CSMD1: variants seen among roughly 807,000 people sequenced by gnomAD.
CSMD1 encodes the protein CUB and sushi domain-containing protein 1.
Under a neutral mutation model 417.5 loss-of-function variants are expected in CSMD1, and 213 were observed. The ratio of observed to expected loss-of-function variants is 0.51; its 90% CI spans 0.46 to 0.57. The LOEUF (loss-of-function observed/expected upper bound fraction) is 0.57, where lower values mean the gene tolerates loss of function less well. Ranked by LOEUF, CSMD1 falls within the 20% of genes least tolerant of loss-of-function variation. CSMD1 has a pLI of 0.00. For synonymous variants in CSMD1, 2,862 were observed against 1,736.8 expected, an observed-to-expected ratio of 1.65 and a Z score of -16.11; for missense variants, 6,923 against 4,529.7, an observed-to-expected ratio of 1.53 and a Z score of -15.17.
chr8:4,220,772 C>A (rs118180204), intron 3 of CSMD1, among the ~76,000 whole-genome samples: 2,093 of 152,314 alleles, frequency 0.014, 26 homozygotes, highest in Middle Eastern at 0.034. Context: ...AATATGGGGC[C>A]ACCCAAGAAA....
chr8:4,638,727 G>A (rs1440614883), intron 1 of CSMD1, among the ~76,000 whole-genome samples: 1 of 152,158 alleles, frequency 6.6e-6, no homozygotes, highest in East Asian at 1.9e-4. Flanking sequence ...ACTTCCCTTT[G>A]GCAGGTGGAA....
intron 3 of CSMD1, among the ~76,000 whole-genome samples, chr8:4,374,976 A>G (rs1167601443): frequency 1.2e-4 from 8 of 66,988 alleles, no homozygotes; most frequent in Admixed American, 1.8e-4. Flanking sequence ...GGGGGGGGCG[A>G]TAGTGGGGGT....
intron 7 of CSMD1, among the ~76,000 whole-genome samples, chr8:3,703,914 C>CA (rs1449783934): frequency 1.3e-5 from 2 of 151,828 alleles, no homozygotes; most frequent in Non-Finnish European, 2.9e-5. Context: ...ACTGAAAATA[C>CA]AAAAAAATTA....
intron 3 of CSMD1, among the ~76,000 whole-genome samples, chr8:4,032,657 A>G (rs1797408212): frequency 6.6e-6 from 1 of 152,168 alleles, no homozygotes; most frequent in Non-Finnish European, 1.5e-5. Flanking sequence ...ATCAATGTAT[A>G]AAAAAATGTT....
chr8:4,216,324 G>T (rs932607312), intron 3 of CSMD1, among the ~76,000 whole-genome samples: 2 of 151,996 alleles, frequency 1.3e-5, no homozygotes, highest in Admixed American at 6.6e-5. Flanking sequence ...CTCAGTAACT[G>T]CAGGGATGCT....
At chr8:4,662,764 T>C (rs1228326116) in intron 1 of CSMD1, among the ~76,000 whole-genome samples, 1 of 152,216 alleles carries the variant, frequency 6.6e-6, no homozygotes, top group African/African-American at 2.4e-5. Context: ...CTATGGATGA[T>C]GCTCACATTC....
intron 46 of CSMD1, among the ~76,000 whole-genome samples, chr8:3,098,666 C>T (rs541103806): frequency 9.3e-4 from 142 of 152,188 alleles, no homozygotes; most frequent in African/African-American, 3.3e-3. Flanking sequence ...GTAAAATACA[C>T]GATGCCCATT....
intron 3 of CSMD1, among the ~76,000 whole-genome samples, chr8:4,292,616 T>C (rs150034127): frequency 5.3e-5 from 8 of 152,252 alleles, no homozygotes; most frequent in African/African-American, 1.9e-4. Context: ...CATGTAAACA[T>C]GTTGATATTT....
intron 51 of CSMD1, among the ~76,000 whole-genome samples, chr8:3,022,698 T>C (rs1354781568): frequency 7.0e-6 from 1 of 142,768 alleles, no homozygotes; most frequent in African/African-American, 2.6e-5. Flanking sequence ...AAAAAAAAGC[T>C]AAATGAACAT....
chr8:3,145,327 A>G (rs1297861047), intron 40 of CSMD1, among the ~76,000 whole-genome samples: 2 of 152,186 alleles, frequency 1.3e-5, no homozygotes, highest in Non-Finnish European at 2.9e-5. Context: ...GAATGTGCTC[A>G]CTTCAGATGC....
intron 26 of CSMD1, among the ~76,000 whole-genome samples, chr8:3,242,186 A>G (rs1279551977): frequency 6.6e-6 from 1 of 152,062 alleles, no homozygotes; most frequent in Non-Finnish European, 1.5e-5. Flanking sequence ...CTAGTCCCAG[A>G]ATGAAACAGT....
intron 2 of CSMD1, among the ~76,000 whole-genome samples, chr8:4,540,236 T>C (rs1050439411): frequency 6.6e-6 from 1 of 152,168 alleles, no homozygotes; most frequent in South Asian, 2.1e-4. Context: ...GCTCAGATAA[T>C]GTGGTAGATT....
intron 52 of CSMD1, among the ~76,000 whole-genome samples, chr8:3,000,410 C>T (rs1807299802): frequency 6.6e-6 from 1 of 151,214 alleles, no homozygotes; most frequent in Admixed American, 6.6e-5. Context: ...ATTTTGCTTA[C>T]CTGTATTCAG....
intron 8 of CSMD1, among the ~76,000 whole-genome samples, chr8:3,610,353 C>T (rs867842201): frequency 2.6e-5 from 4 of 152,210 alleles, no homozygotes; most frequent in East Asian, 3.9e-4. Context: ...GGCAACACAG[C>T]GAGACCTTGT....
chr8:3,794,416 AC>A (rs781359654), intron 5 of CSMD1, among the ~76,000 whole-genome samples: 3 of 152,178 alleles, frequency 2.0e-5, no homozygotes, highest in Non-Finnish European at 4.4e-5. Context: ...AACAACCTGT[AC>A]CTTTGTTAAA....
intron 7 of CSMD1, 36 bp downstream of exon 7, chr8:3,708,378 C>A (rs12674750): frequency 1.3e-6 from 2 of 1,558,882 alleles, no homozygotes; most frequent in Admixed American, 1.7e-5. Flanking sequence ...CTTACAAGGG[C>A]GTATCAATCC....
chr8:3,570,896 T>C (rs182388910), intron 10 of CSMD1, among the ~76,000 whole-genome samples: 2 of 152,200 alleles, frequency 1.3e-5, no homozygotes, highest in African/African-American at 4.8e-5. Flanking sequence ...TCTAAGCTTC[T>C]TTTTAGATAG....
At chr8:3,660,447 AT>A (rs1798353587) in intron 7 of CSMD1, among the ~76,000 whole-genome samples, 1 of 138,956 alleles carries the variant, frequency 7.2e-6, no homozygotes, top group Non-Finnish European at 1.6e-5. Flanking sequence ...AGGAGTAAGA[AT>A]TTATATGTAA....
chr8:3,408,322 C>T, intron 13 of CSMD1, 97 bp from the exon 14 acceptor site: 2 of 823,930 alleles, frequency 2.4e-6, no homozygotes, highest in Non-Finnish European at 3.8e-6. Flanking sequence ...GCAATTCATG[C>T]CTGCAAATAG....
Sources: allele counts gnomAD v4.1 joint callset (sites outside exome capture counted in the v4.1 genomes callset), GRCh38; gene constraint gnomAD v4.1.1; transcripts MANE v1.5; gene names NCBI Gene and HGNC (gene_info 2026-07-23, HGNC 2026-07-21).